RFX2: variants seen among roughly 807,000 people sequenced by gnomAD.
The protein encoded by RFX2 is regulatory factor X2.
In RFX2, 20 loss-of-function variants were observed where a neutral mutation model predicts 87.8. The observed-to-expected ratio is 0.23, with a 90% confidence interval of 0.16 to 0.33. RFX2 has a LOEUF of 0.33. RFX2 is among the 10% of genes least tolerant of loss of function. The pLI is 1.00. For synonymous variants in RFX2, 397 were observed against 431.3 expected (o/e 0.92, Z 0.98); for missense variants, 767 against 1,012.3 (o/e 0.76, Z 3.29).
At chr19:6,097,172 C>A (rs1301431468) in intron 1 of RFX2, among the ~76,000 whole-genome samples, 1 of 152,138 alleles carries the variant, frequency 6.6e-6, no homozygotes, top group Non-Finnish European at 1.5e-5. Context: ...CAACACTGGG[C>A]AACAGAGGAG....
intron 5 of RFX2, among the ~76,000 whole-genome samples, chr19:6,029,074 C>T (rs1316188249): frequency 4.9e-5 from 6 of 122,838 alleles, no homozygotes; most frequent in Non-Finnish European, 1.0e-4. Flanking sequence ...GTGAGACTGT[C>T]TCAAAAAAAA....
At chr19:6,025,203 T>C (rs1258877109) in intron 6 of RFX2, among the ~76,000 whole-genome samples, 1 of 152,128 alleles carries the variant, frequency 6.6e-6, no homozygotes, top group Non-Finnish European at 1.5e-5. Flanking sequence ...GGCCAGAGCT[T>C]TCCTTCTCTG....
chr19:6,008,342 C>A, intron 9 of RFX2, 118 bp from the exon 10 acceptor site: 1 of 494,260 alleles, frequency 2.0e-6, no homozygotes, highest in East Asian at 3.3e-5. Context: ...CCCATGCAGT[C>A]AGGGAATTTG....
In RFX2 at chr19:6,044,312, G is replaced by C; in HGVS notation, c.91-30C>G. ...AAGGGAAGGGAGAGAAGGCCAGTTA[G>C]ACTTGTCAGAGGTCAGTGCTGAGGA... On this transcript the variant is annotated intron_variant, in intron 2 of 17. Coordinates refer to ENST00000303657, the MANE Select transcript of RFX2 (RefSeq NM_000635.4). The surrounding 1 kb of genome is among the most constrained non-coding windows in gnomAD (Gnocchi z 5.3). 1.4e-6 allele frequency: 2 copies of C among 1,403,878 alleles called. No homozygotes were observed. Among genetic ancestry groups the C allele is most frequent in the Non-Finnish European group, 1.9e-6 (2 of 1,043,982 alleles). The allele number at this position is 1,403,878 out of a possible 1,614,324, so 87.0% of individuals were successfully genotyped here.
chr19:6,060,500 A>G (rs1308643259), intron 1 of RFX2, among the ~76,000 whole-genome samples: 2 of 152,134 alleles, frequency 1.3e-5, no homozygotes, highest in Non-Finnish European at 2.9e-5. Context: ...TGAGGAGAAC[A>G]TCCACTGCCA....
At chr19:6,079,028 G>A (rs373028810) in intron 1 of RFX2, among the ~76,000 whole-genome samples, 1 of 152,200 alleles carries the variant, frequency 6.6e-6, no homozygotes, top group Non-Finnish European at 1.5e-5. Flanking sequence ...CACCTGCCTC[G>A]GCCTCCCAAA....
rs2087652315 is a variant in RFX2, at chr19:6,074,241, G to C, written c.-8-26737C>G. ...GGAACAGATCTGGAGCTTGTGGCAG[G>C]AGTTCAGGTGGAACATCAGGCGGGG... On this transcript the variant is annotated intron_variant, in intron 1 of 17. Transcript: ENST00000303657. The surrounding 1 kb of genome is among the most constrained non-coding windows in gnomAD (Gnocchi z 5.2). Among the ~76,000 whole-genome samples, 1 of 152,202 alleles carries C rather than the reference G, an allele frequency of 6.6e-6. No individual in the cohort carries two copies. Among genetic ancestry groups the C allele is most frequent in the Non-Finnish European group, 1.5e-5 (1 of 68,040 alleles).
rs1240495817 is a variant in RFX2, at chr19:6,050,743, T to G, written c.-8-3239A>C. Among the ~76,000 whole-genome samples the G allele has an allele frequency of 6.6e-6, 1 of 151,966 alleles. No homozygotes were observed. The highest frequency in any genetic ancestry group is 1.5e-5 in the Non-Finnish European group (1 of 67,996). On this transcript the variant is annotated intron_variant, in intron 1 of 17. Coordinates refer to ENST00000303657, the MANE Select transcript of RFX2 (RefSeq NM_000635.4). The surrounding 1 kb of genome is among the most constrained non-coding windows in gnomAD (Gnocchi z 4.6). ...AGAGTCCCAGAAGAGAAAAAGAGAA[T>G]GTAAGAGAAAAAAATATTGAAAAAT...
chr19:6,099,352 C>T (rs1268771574), intron 1 of RFX2, among the ~76,000 whole-genome samples: 2 of 152,048 alleles, frequency 1.3e-5, no homozygotes, highest in Admixed American at 1.3e-4. Flanking sequence ...GCAATTTTGG[C>T]TGGGTAAAAA....
intron 1 of RFX2, among the ~76,000 whole-genome samples, chr19:6,090,825 C>A (rs1467461267): frequency 6.6e-6 from 1 of 152,156 alleles, no homozygotes; most frequent in Non-Finnish European, 1.5e-5. Context: ...GAATACTATT[C>A]AGCCATAAAA....
intron 1 of RFX2, among the ~76,000 whole-genome samples, chr19:6,065,679 T>C (rs2087499750): frequency 6.6e-6 from 1 of 152,180 alleles, no homozygotes; most frequent in Non-Finnish European, 1.5e-5. Context: ...GAAATTTGTT[T>C]AGATACTTTA....
chr19:6,015,118 G>T (rs1294639455), intron 7 of RFX2, among the ~76,000 whole-genome samples: 7 of 152,082 alleles, frequency 4.6e-5, no homozygotes, highest in Non-Finnish European at 7.4e-5. Flanking sequence ...GGGGTGGATT[G>T]GTCCAGGTAC....
Position 6,008,146 on chromosome 19 carries a change from TCGTGCAGTGTGACGC to T in RFX2, c.1079_1093del (p.Gly360_His364del). ...GTACACCAGCTGCAGGGCCTTGACG[TCGTGCAGTGTGACGC>T]CGTCCTGCAGCAGGAAGCTGCCCAG... is the stretch of plus-strand genomic sequence containing the variant. On this transcript the variant is annotated inframe_deletion, in exon 10 of 18. Transcript: ENST00000303657. 6.4e-7 allele frequency: 1 copy of T among 1,555,488 alleles called. No homozygotes were observed.
intron 5 of RFX2, among the ~76,000 whole-genome samples, chr19:6,036,583 A>G (rs2087028042): frequency 6.6e-6 from 1 of 152,262 alleles, no homozygotes; most frequent in Non-Finnish European, 1.5e-5. Context: ...GTTATTGTGT[A>G]ATTGAAAGTC....
chr19:6,082,111 A>T (rs2087793161), intron 1 of RFX2, among the ~76,000 whole-genome samples: 1 of 151,900 alleles, frequency 6.6e-6, no homozygotes, highest in Non-Finnish European at 1.5e-5. Flanking sequence ...AAAACAAAAT[A>T]AAACAAAAAC....
intron 3 of RFX2, among the ~76,000 whole-genome samples, chr19:6,043,149 T>A (rs1281032862): frequency 1.3e-5 from 2 of 152,148 alleles, no homozygotes; most frequent in Admixed American, 6.5e-5. Context: ...CCAAGTGAAA[T>A]GCAGAAGTTA....
chr19:6,020,881 G>A lies in RFX2; in HGVS notation c.598-4610C>T, dbSNP rs2086801960. 6.6e-6 allele frequency among the ~76,000 whole-genome samples: 1 copy of A among 152,176 alleles called. No homozygotes were observed. The highest frequency in any genetic ancestry group is 6.5e-5 in the Admixed American group (1 of 15,278). On this transcript the variant is annotated intron_variant, in intron 6 of 17. Coordinates refer to ENST00000303657, the MANE Select transcript of RFX2 (RefSeq NM_000635.4). The surrounding 1 kb of genome is among the most constrained non-coding windows in gnomAD (Gnocchi z 5.3). The stretch of plus-strand genomic sequence containing the variant: ...ACCCACATTTGCCACAATCTGTCAG[G>A]ACAGCACACTTCTTGATGAAATGGA...
intron 1 of RFX2, among the ~76,000 whole-genome samples, chr19:6,081,594 T>C (rs2144859618): frequency 6.6e-6 from 1 of 152,348 alleles, no homozygotes; most frequent in East Asian, 1.9e-4. Context: ...TTGGCTTACA[T>C]GTACCATTAT....
At chr19:6,046,123 G>A (rs997270566) in intron 2 of RFX2, among the ~76,000 whole-genome samples, 6 of 152,132 alleles carry the variant, frequency 3.9e-5, no homozygotes, top group Admixed American at 6.6e-5. Context: ...TCATGTGGCC[G>A]GTGCCATTCG....
Sources: gnomAD v4.1 joint callset for allele counts (sites outside exome capture counted in the v4.1 genomes callset) on GRCh38, gnomAD v4.1.1 for gene constraint, Gnocchi (gnomAD v3.1) non-coding constraint, MANE v1.5 for transcripts, NCBI Gene and HGNC (gene_info 2026-07-23, HGNC 2026-07-21) for gene names.